Variants in SLCO4A1 observed in about 807,000 individuals in gnomAD.
SLCO4A1 encodes solute carrier organic anion transporter family member 4A1, also known as colon organic anion transporter.
A neutral mutation model predicts 64.6 loss-of-function variants in SLCO4A1; 51 were observed. The observed-to-expected ratio is 0.79, with a 90% CI of 0.63 to 1.00. The LOEUF is 1.00. Among genes scored for constraint, SLCO4A1 ranks in the 50% least tolerant of loss-of-function variants. SLCO4A1 has a pLI of 0.00. For synonymous variants in SLCO4A1, 471 were observed against 444.9 expected, an observed-to-expected ratio of 1.06 and a Z score of -0.74; for missense variants, 919 against 980.5, an observed-to-expected ratio of 0.94 and a Z score of 0.84.
At chr20:62,643,020 C>T (rs903802014) in intron 1 of SLCO4A1, 5 of 470,050 alleles carry the variant, frequency 1.1e-5, no homozygotes, top group Admixed American at 4.7e-5. Flanking sequence ...CCACCTGCGG[C>T]GGCCGCTGCT....
intron 1 of SLCO4A1, chr20:62,643,256 C>T: frequency 3.0e-6 from 1 of 334,218 alleles, no homozygotes. Flanking sequence ...GGGTCGGGTG[C>T]CCTCGCGTTG....
In SLCO4A1 at chr20:62,661,249, A is replaced by C; in HGVS notation, c.1121+74A>C. On this transcript the variant is annotated intron_variant, in intron 5 of 11. Transcript: ENST00000217159. This position sits in a 1 kb window ranked among gnomAD's most constrained non-coding sequence, Gnocchi z 5.2. ...GGTCCCCATCTTGGGGGAGTCGTTG[A>C]GACCCCTCCGGGATCATGATGGGGA... is the stretch of plus-strand genomic sequence containing the variant. The C allele has an allele frequency of 9.3e-7, 1 of 1,072,586 alleles. No homozygotes were observed. Among genetic ancestry groups the C allele is most frequent in the Admixed American group, 1.7e-5 (1 of 58,140 alleles). 66.4% of individuals were successfully genotyped at this position (1,072,586 alleles called of 1,614,324 possible). A position where few individuals can be genotyped will look rare whatever the true frequency, so the allele number is the denominator to read the frequency against.
intron 1 of SLCO4A1, among the ~76,000 whole-genome samples, chr20:62,652,675 C>T (rs1407833036): frequency 2.0e-5 from 3 of 152,158 alleles, no homozygotes; most frequent in Non-Finnish European, 2.9e-5. Flanking sequence ...CCCTTTCTGA[C>T]GCAGCAGGTC....
At position 62,661,040 on chromosome 20, in the gene SLCO4A1, C is replaced by CCCCCCCCCCCCCCCCG; in HGVS notation, c.1010-23_1010-22insCCCCCCCCCCCCCCGC. On this transcript the variant is annotated intron_variant, in intron 4 of 11. Transcript: ENST00000217159. This position sits in a 1 kb window ranked among gnomAD's most constrained non-coding sequence, Gnocchi z 5.2. ...CTCCGGGAGCCCCCAGCCCCCAGCC[C>CCCCCCCCCCCCCCCCG]CAGCTCACTCTGTGCCCTTCCAGGC... is the stretch of plus-strand genomic sequence containing the variant. 1.4e-6 allele frequency: 2 copies of CCCCCCCCCCCCCCCCG among 1,395,920 alleles called. No homozygotes were observed. The highest frequency in any genetic ancestry group is 2.0e-6 in the Non-Finnish European group (2 of 984,524). The allele number at this position is 1,395,920 out of a possible 1,614,324, so 86.5% of individuals were successfully genotyped here. A position where few individuals can be genotyped will look rare whatever the true frequency, so the allele number is the denominator to read the frequency against.
At position 62,671,764 on chromosome 20, in the gene SLCO4A1, C is replaced by T. The variant is rs1242004665; in HGVS notation, c.2040C>T (p.Leu680=). The T allele has an allele frequency of 1.2e-6, 2 of 1,613,434 alleles. No individual in the cohort carries two copies. The highest frequency in any genetic ancestry group is 1.7e-5 in the Admixed American group (1 of 60,014). The change falls in exon 12 of 12, where the codon CTC becomes CTT. Residue 680 remains leucine (L), a synonymous_variant. Coordinates refer to ENST00000217159, the MANE Select transcript of SLCO4A1 (RefSeq NM_016354.4). ...TCTCTCCCCAGGTGCTGGGCGTCCT[C>T]TTCTTTGCCATAGCCTGCTTCTTAT... is the stretch of plus-strand genomic sequence containing the variant. The part of the protein sequence containing the change: ...MGLLYKVLGV[L]FFAIACFLYK...
At position 62,661,628 on chromosome 20, in the gene SLCO4A1, G is replaced by A. The variant is rs2147087185; in HGVS notation, c.1121+453G>A. Among the ~76,000 whole-genome samples the A allele has an allele frequency of 6.7e-6, 1 of 148,628 alleles. No individual in the cohort carries two copies. Among genetic ancestry groups the A allele is most frequent in the Non-Finnish European group, 1.5e-5 (1 of 67,186 alleles). On this transcript the variant is annotated intron_variant, in intron 5 of 11. Coordinates refer to ENST00000217159, the MANE Select transcript of SLCO4A1 (RefSeq NM_016354.4). The surrounding 1 kb of genome is among the most constrained non-coding windows in gnomAD (Gnocchi z 5.2). ...AATTCCCTTTCATCAGGTGTCACCT[G>A]TGCCGTACCCCCCGGGCCCTGGGAT...
In SLCO4A1 at chr20:62,685,558, G is replaced by A. The variant is rs1339102107; in HGVS notation, n.329G>A. On this transcript the variant is annotated non_coding_transcript_exon_variant, in exon 3 of 3. Coordinates refer to the SLCO4A1 transcript ENST00000466818. The surrounding 1 kb of genome is among the most constrained non-coding windows in gnomAD (Gnocchi z 4.6). The stretch of plus-strand genomic sequence containing the variant: ...TGTGGAGTCTCGGCTTTCTGACAAC[G>A]TCTTCCAGAGCAGGCTTTCTCTAGA... The A allele has an allele frequency of 1.4e-5, 8 of 557,606 alleles. No homozygotes were observed. Among genetic ancestry groups the A allele is most frequent in the East Asian group, 1.5e-4 (1 of 6,878 alleles). 34.5% of individuals were successfully genotyped at this position (557,606 alleles called of 1,614,324 possible).
chr20:62,664,462 C>T (rs747275451), intron 5 of SLCO4A1, among the ~76,000 whole-genome samples: 42 of 152,304 alleles, frequency 2.8e-4, no homozygotes, highest in Non-Finnish European at 4.3e-4. Context: ...ACTTGGTGGC[C>T]TCTGCCTGCC....
chr20:62,658,527 A>C, intron 2 of SLCO4A1, 150 bp from the exon 3 acceptor site: 1 of 627,542 alleles, frequency 1.6e-6, no homozygotes. Flanking sequence ...AACTGCACAG[A>C]CTCATCTAAC....
rs368176003 is a variant in SLCO4A1 at position 62,657,074 on chromosome 20, C to T, written c.620C>T (p.Thr207Met). 140 of 1,602,422 alleles carry T rather than the reference C, an allele frequency of 8.7e-5. No homozygotes were observed. Among genetic ancestry groups the T allele is most frequent in the South Asian group, 1.4e-4 (13 of 90,658 alleles). The change falls in exon 2 of 12, where the codon ACG (threonine) becomes ATG (methionine). Residue 207 changes from threonine to methionine, a missense_variant. Transcript: ENST00000217159. Reference sequence around the variant, plus strand: ...GTGGAGTTGGACGCGGGTGTCAGGACGTGCCCTGCCAACCCCGGCGCGGTG... The same window carrying T: ...GTGGAGTTGGACGCGGGTGTCAGGATGTGCCCTGCCAACCCCGGCGCGGTG... ...YEVELDAGVR[T>M]CPANPGAVCA...
rs76863041 is a variant in SLCO4A1 at position 62,680,961 on chromosome 20, G to A, written n.212-4480G>A. Among the ~76,000 whole-genome samples, 1,277 of 152,254 alleles carry A rather than the reference G, an allele frequency of 8.4e-3. 18 individuals are homozygous for A. The highest frequency in any genetic ancestry group is 0.029 in the African/African-American group (1,204 of 41,532). ...ACTCTGTCACCTGGGCTGGATCACGGTGGCATGAACACGCCTCACTGTAGG... is the reference window on the plus strand; with the variant it reads ...ACTCTGTCACCTGGGCTGGATCACGATGGCATGAACACGCCTCACTGTAGG... On this transcript the variant is annotated intron_variant and non_coding_transcript_variant, in intron 2 of 2. Transcript: ENST00000466818.
In SLCO4A1 at chr20:62,668,129, G is replaced by T. The variant is rs565575180; in HGVS notation, c.1756G>T (p.Val586Phe). 31 of 1,613,962 alleles carry T rather than the reference G, an allele frequency of 1.9e-5. No individual in the cohort carries two copies. The highest frequency in any genetic ancestry group is 2.0e-5 in the Non-Finnish European group (24 of 1,180,034). ...GCCCCTCCTTCTGGTTTTCATATTC[G>T]TTGTAATTTTCTTTACATTCCTCAG... Reference protein sequence around the residue: ...RKPLLLVFIFVVIFFTFLSSI... With the variant: ...RKPLLLVFIFFVIFFTFLSSI... The change falls in exon 9 of 12, where the codon GTT becomes TTT. Residue 586 changes from valine to phenylalanine, a missense_variant. Val to Phe is a conservative substitution (Grantham distance 50). Transcript: ENST00000217159.
At chr20:62,658,607 G>A (rs112420595) in intron 2 of SLCO4A1, 70 bp from the exon 3 acceptor site, 1 of 1,304,790 alleles carries the variant, frequency 7.7e-7, no homozygotes, top group Non-Finnish European at 1.1e-6. Flanking sequence ...CCCAGGCACG[G>A]GGCCCCACAC....
At chr20:62,663,029 A>C (rs999245756) in intron 5 of SLCO4A1, 1 of 152,212 alleles carries the variant, frequency 6.6e-6, no homozygotes, top group African/African-American at 2.4e-5. Flanking sequence ...TCAGGAAATA[A>C]ATTTTGAAAG....
At chr20:62,660,610 C>T (rs1984601585) in intron 4 of SLCO4A1, 77 bp downstream of exon 4, 9 of 1,500,328 alleles carry the variant, frequency 6.0e-6, no homozygotes, top group South Asian at 3.4e-5. Context: ...CACCCCGTTT[C>T]CTCTGCTGTC....
intron 1 of SLCO4A1, among the ~76,000 whole-genome samples, chr20:62,653,225 C>T (rs539185875): frequency 4.6e-5 from 7 of 152,282 alleles, no homozygotes; most frequent in South Asian, 2.1e-4. Flanking sequence ...CTGTGGGGAC[C>T]GCGCCTCGGC....
rs747381074 is a variant in SLCO4A1, at chr20:62,656,708, C to T, written c.254C>T (p.Ala85Val). The change falls in exon 2 of 12, where the codon GCG becomes GTG. Residue 85 changes from alanine to valine, a missense_variant. Ala to Val is a moderately conservative substitution (Grantham distance 64). Transcript: ENST00000217159. ...TACGTCTCGGCCGGGCAGAGCGTGG[C>T]GTGCGGCTGGTGGGCCTTCGCACCG... ...VRYVSAGQSV[A>V]CGWWAFAPPC... is the part of the protein sequence containing the mutation. 9.9e-6 allele frequency: 16 copies of T among 1,610,366 alleles called. No individual in the cohort carries two copies. Among genetic ancestry groups the T allele is most frequent in the East Asian group, 8.9e-5 (4 of 44,802 alleles).
chr20:62,657,337 G>A (rs967539011), intron 2 of SLCO4A1, 87 bp downstream of exon 2: 253 of 1,250,722 alleles, frequency 2.0e-4, no homozygotes, highest in Middle Eastern at 2.8e-4. Flanking sequence ...AGCCAGCCCC[G>A]CCCCCTGCCT....
chr20:62,672,399 A>T, downstream of SLCO4A1: 2 of 560,242 alleles, frequency 3.6e-6, no homozygotes, highest in Non-Finnish European at 4.5e-6. Flanking sequence ...GTGGATATGA[A>T]AAGTTGGCCT....
Sources: gnomAD v4.1 joint callset for allele counts (sites outside exome capture counted in the v4.1 genomes callset) on GRCh38, gnomAD v4.1.1 for gene constraint, Gnocchi (gnomAD v3.1) non-coding constraint, MANE v1.5 for transcripts, NCBI Gene and HGNC (gene_info 2026-07-23, HGNC 2026-07-21) for gene names.